CNTNAP2: variants seen among roughly 807,000 people sequenced by gnomAD.
CNTNAP2 encodes contactin-associated protein-like 2.
CNTNAP2 carries 98 observed loss-of-function variants against 155.2 expected under a neutral mutation model. That is an observed-to-expected ratio of 0.63 (90% CI 0.54 to 0.75). The LOEUF is 0.75. Among genes scored for constraint, CNTNAP2 ranks in the 30% least tolerant of loss-of-function variants. The pLI is 0.00. For missense variants in CNTNAP2, 1,727 were observed against 1,688.1 expected (o/e 1.02, Z -0.40); for synonymous variants, 651 against 631.2 (o/e 1.03, Z -0.47).
Position 146,572,822 on chromosome 7 carries a change from A to G in CNTNAP2, c.98-201449A>G, listed in dbSNP as rs184710139. Among the ~76,000 whole-genome samples the G allele has an allele frequency of 3.8e-3, 574 of 152,262 alleles. 9 individuals are homozygous for G. Among genetic ancestry groups the G allele is most frequent in the African/African-American group, 0.013 (537 of 41,570 alleles). ...TGTGACCTTGGACAAAAGTAACGAT[A>G]TTCTATAAAAATGTGGTTTGTATAA... On this transcript the variant is annotated intron_variant, in intron 1 of 23. Transcript: ENST00000361727.
intron 13 of CNTNAP2, among the ~76,000 whole-genome samples, chr7:147,891,291 G>A (rs1187935811): frequency 6.6e-6 from 1 of 151,538 alleles, no homozygotes; most frequent in Non-Finnish European, 1.5e-5. Flanking sequence ...TGCAACCTCT[G>A]CCTCCCGGGT....
At chr7:148,381,304 C>T (rs1799054921) in intron 21 of CNTNAP2, 1 of 152,256 alleles carries the variant, frequency 6.6e-6, no homozygotes, top group African/African-American at 2.4e-5. Context: ...CTTTTGTAGC[C>T]ACACTAGCAG....
chr7:146,449,460 C>T (rs956753712), intron 1 of CNTNAP2, among the ~76,000 whole-genome samples: 3 of 152,108 alleles, frequency 2.0e-5, no homozygotes, highest in Non-Finnish European at 4.4e-5. Context: ...CATGTATCCT[C>T]AGGTCCCTAT....
At chr7:147,066,099 C>G (rs889724960) in intron 4 of CNTNAP2, among the ~76,000 whole-genome samples, 1 of 152,120 alleles carries the variant, frequency 6.6e-6, no homozygotes, top group African/African-American at 2.4e-5. Flanking sequence ...TTGATATCTG[C>G]AACAGGAGCT....
At chr7:147,578,055 A>G (rs1407423180) in intron 12 of CNTNAP2, among the ~76,000 whole-genome samples, 1 of 152,138 alleles carries the variant, frequency 6.6e-6, no homozygotes, top group Non-Finnish European at 1.5e-5. Context: ...TTTAGAATCT[A>G]TCTGTATGTA....
rs1428081587 is a variant in CNTNAP2, at chr7:147,552,812, G to A, written c.1778-9326G>A. Among the ~76,000 whole-genome samples the A allele has an allele frequency of 3.9e-5, 6 of 152,128 alleles. No individual in the cohort carries two copies. In the East Asian group the frequency reaches 1.2e-3, roughly 29 times the overall value. ...ATTCCTGTGTTCAAATCCTGGCTCT[G>A]CCTTTTTCTAGGTGAGCAATCCTAG... is the stretch of plus-strand genomic sequence containing the variant. On this transcript the variant is annotated intron_variant, in intron 11 of 23. Transcript: ENST00000361727.
Position 146,602,483 on chromosome 7 carries a change from T to A in CNTNAP2, c.98-171788T>A, listed in dbSNP as rs573046480. Among the ~76,000 whole-genome samples the A allele has an allele frequency of 1.2e-4, 19 of 152,338 alleles. 1 individual carries two copies. Among genetic ancestry groups the A allele is most frequent in the African/African-American group, 4.3e-4 (18 of 41,584 alleles). On this transcript the variant is annotated intron_variant, in intron 1 of 23. Transcript: ENST00000361727. Reference sequence around the variant, plus strand: ...AGTTTTCCACTATGACTTTCAATGATCTTCAATTTCCATTTCCACAAAGAA... The same window carrying A: ...AGTTTTCCACTATGACTTTCAATGAACTTCAATTTCCATTTCCACAAAGAA...
At chr7:148,074,167 G>A (rs914227472) in intron 15 of CNTNAP2, among the ~76,000 whole-genome samples, 5 of 152,272 alleles carry the variant, frequency 3.3e-5, no homozygotes, top group East Asian at 1.9e-4. Context: ...AGATGGTGGC[G>A]TTAGAGTGCT....
intron 5 of CNTNAP2, among the ~76,000 whole-genome samples, chr7:147,109,914 TTTATTTATTTATTTATTTAC>T (rs921022769): frequency 1.3e-5 from 2 of 151,366 alleles, no homozygotes; most frequent in African/African-American, 4.9e-5. Context: ...TATTTATTTA[TTTATTTATTTATTTATTTAC>T]TTATTTTTGA....
chr7:148,053,933 A>G (rs1802955644), intron 15 of CNTNAP2, among the ~76,000 whole-genome samples: 1 of 151,378 alleles, frequency 6.6e-6, no homozygotes, highest in South Asian at 2.1e-4. Context: ...GAGAGCTACA[A>G]GCCAAAAAGA....
chr7:148,307,321 C>A (rs555459416), intron 21 of CNTNAP2, among the ~76,000 whole-genome samples: 2 of 152,128 alleles, frequency 1.3e-5, no homozygotes, highest in Admixed American at 1.3e-4. Context: ...CCAGTGAGTT[C>A]TTCTGTTTTT....
At chr7:147,619,448 A>G (rs1257042764) in intron 12 of CNTNAP2, among the ~76,000 whole-genome samples, 1 of 152,180 alleles carries the variant, frequency 6.6e-6, no homozygotes, top group African/African-American at 2.4e-5. Flanking sequence ...TGGCTCTTCC[A>G]CTGCCCTGAA....
intron 12 of CNTNAP2, among the ~76,000 whole-genome samples, chr7:147,598,984 C>G (rs13438099): frequency 6.6e-6 from 1 of 151,942 alleles, no homozygotes; most frequent in Admixed American, 6.5e-5. Context: ...TCAGTTAAAC[C>G]TCTTTCCTTA....
intron 2 of CNTNAP2, among the ~76,000 whole-genome samples, chr7:146,815,511 C>T (rs1362525399): frequency 6.6e-6 from 1 of 151,952 alleles, no homozygotes; most frequent in Non-Finnish European, 1.5e-5. Flanking sequence ...TATATATATA[C>T]ATGAATACAT....
chr7:147,061,758 G>GAAAAC (rs138559098), intron 4 of CNTNAP2, among the ~76,000 whole-genome samples: 12 of 151,940 alleles, frequency 7.9e-5, no homozygotes, highest in Non-Finnish European at 1.6e-4. Flanking sequence ...TACTTTATTT[G>GAAAAC]AAAACAAAAC....
chr7:147,479,627 T>C (rs953569057), intron 10 of CNTNAP2, among the ~76,000 whole-genome samples: 2 of 152,160 alleles, frequency 1.3e-5, no homozygotes, highest in African/African-American at 4.8e-5. Flanking sequence ...AAGTGAACTC[T>C]AGTTCATTAT....
intron 2 of CNTNAP2, among the ~76,000 whole-genome samples, chr7:146,800,383 A>G (rs2129191296): frequency 6.6e-6 from 1 of 152,358 alleles, no homozygotes; most frequent in East Asian, 1.9e-4. Flanking sequence ...TGGGAAGACC[A>G]GCTGGCTCTG....
At chr7:147,394,562 T>C (rs1796778017) in intron 9 of CNTNAP2, among the ~76,000 whole-genome samples, 1 of 152,040 alleles carries the variant, frequency 6.6e-6, no homozygotes, top group South Asian at 2.1e-4. Context: ...TGGTGAACCA[T>C]ATGAAAAGTA....
intron 1 of CNTNAP2, among the ~76,000 whole-genome samples, chr7:146,643,577 T>G (rs1383125329): frequency 6.6e-6 from 1 of 152,080 alleles, no homozygotes; most frequent in African/African-American, 2.4e-5. Context: ...GTAGTATAGT[T>G]TGAAGTCAGG....
Sources: allele counts gnomAD v4.1 joint callset (sites outside exome capture counted in the v4.1 genomes callset), GRCh38; gene constraint gnomAD v4.1.1; transcripts MANE v1.5; gene names NCBI Gene and HGNC (gene_info 2026-07-23, HGNC 2026-07-21).